The following ITPRID1 variants were observed in gnomAD, a reference collection of about 807,000 sequenced individuals.
ITPRID1 encodes protein ITPRID1.
Under a neutral mutation model 95.4 loss-of-function variants are expected in ITPRID1, and 96 were observed. That is an observed-to-expected ratio of 1.01 (90% CI 0.85 to 1.19). The LOEUF (loss-of-function observed/expected upper bound fraction) is 1.19, where lower values mean the gene tolerates loss of function less well. ITPRID1 is among the 50% of genes most tolerant of loss of function. ITPRID1 has a pLI of 0.00. For synonymous variants in ITPRID1, 510 were observed against 453.6 expected (o/e 1.12, Z -1.58); for missense variants, 1,339 against 1,252.9 (o/e 1.07, Z -1.04).
chr7:31,574,954 T>A (rs1357698798), intron 8 of ITPRID1, among the ~76,000 whole-genome samples: 2 of 152,200 alleles, frequency 1.3e-5, no homozygotes, highest in Admixed American at 1.3e-4. Flanking sequence ...TGCTCCATGT[T>A]GTCCTCACTC....
At chr7:31,622,392 A>G (rs1333888963) in intron 10 of ITPRID1, among the ~76,000 whole-genome samples, 3 of 152,160 alleles carry the variant, frequency 2.0e-5, no homozygotes, top group Non-Finnish European at 4.4e-5. Context: ...AAGAACAGAA[A>G]TCATAACAAA....
chr7:31,572,313 C>T, intron 7 of ITPRID1, 125 bp downstream of exon 7: 1 of 612,978 alleles, frequency 1.6e-6, no homozygotes, highest in Non-Finnish European at 2.8e-6. Flanking sequence ...TTTTCAAACC[C>T]CATCTTGCAA....
At chr7:31,639,176 C>CT (rs1789771261) in intron 10 of ITPRID1, among the ~76,000 whole-genome samples, 1 of 152,178 alleles carries the variant, frequency 6.6e-6, no homozygotes, top group African/African-American at 2.4e-5. Context: ...TGAAACATTT[C>CT]TTCAAAAGCT....
chr7:31,552,128 C>T lies in ITPRID1; in HGVS notation c.-23-874C>T, dbSNP rs752251923. Among the ~76,000 whole-genome samples the T allele has an allele frequency of 1.5e-4, 21 of 143,332 alleles. 5 individuals are homozygous for T. The highest frequency in any genetic ancestry group is 2.5e-4 in the Non-Finnish European group (16 of 63,626). The allele number at this position is 143,332 out of a possible 152,430, so 94.0% of individuals were successfully genotyped here. On this transcript the variant is annotated intron_variant, in intron 2 of 14. Transcript: ENST00000615280. ...GCTAAGCTGCTGTGTCCTGCTCTTA[C>T]TCTGCTAGTTTTACAGGTTGTTCAT...
intron 1 of ITPRID1, among the ~76,000 whole-genome samples, chr7:31,539,060 A>G (rs1195052830): frequency 6.6e-6 from 1 of 152,212 alleles, no homozygotes; most frequent in Non-Finnish European, 1.5e-5. Context: ...ATTTGGATGT[A>G]CCAGTTTATG....
Position 31,620,919 on chromosome 7 carries a change from G to A in ITPRID1, c.1229-21257G>A, listed in dbSNP as rs1422789791. 4.6e-5 allele frequency among the ~76,000 whole-genome samples: 7 copies of A among 152,184 alleles called. No homozygotes were observed. In the East Asian group the frequency reaches 5.8e-4, roughly 13 times the overall value. ...ATACAGAGAAGTGCTTAAAGGAGCT[G>A]ATGGAGCTGAAAGCCAAGGCTCAAG... On this transcript the variant is annotated intron_variant, in intron 10 of 14. Coordinates refer to ENST00000615280, the MANE Select transcript of ITPRID1 (RefSeq NM_001257967.3).
chr7:31,586,786 A>G (rs1015662300), intron 10 of ITPRID1, among the ~76,000 whole-genome samples: 2 of 151,616 alleles, frequency 1.3e-5, no homozygotes, highest in Non-Finnish European at 2.9e-5. Context: ...CCCATTTTGT[A>G]GGTTGCCTGT....
intron 10 of ITPRID1, among the ~76,000 whole-genome samples, chr7:31,622,468 C>T (rs1358458853): frequency 6.6e-6 from 1 of 150,570 alleles, no homozygotes; most frequent in Non-Finnish European, 1.5e-5. Flanking sequence ...CAAAACTGCT[C>T]AACTACATGG....
chr7:31,552,714 C>T (rs1456064016), intron 2 of ITPRID1, among the ~76,000 whole-genome samples: 2 of 152,150 alleles, frequency 1.3e-5, no homozygotes, highest in African/African-American at 4.8e-5. Flanking sequence ...CTTTGCTCTC[C>T]GTCCACATCC....
chr7:31,600,809 G>T (rs1271159310), intron 10 of ITPRID1, among the ~76,000 whole-genome samples: 1 of 152,164 alleles, frequency 6.6e-6, no homozygotes, highest in African/African-American at 2.4e-5. Flanking sequence ...GCATGCCCAG[G>T]AAGTTGCTTC....
intron 10 of ITPRID1, among the ~76,000 whole-genome samples, chr7:31,614,360 T>C (rs899602200): frequency 3.3e-5 from 5 of 152,144 alleles, no homozygotes; most frequent in African/African-American, 1.2e-4. Context: ...GGCTCAACTT[T>C]AGCTCAATAA....
At chr7:31,537,778 C>T (rs1185817397) in intron 1 of ITPRID1, among the ~76,000 whole-genome samples, 1 of 152,122 alleles carries the variant, frequency 6.6e-6, no homozygotes. Flanking sequence ...ATGCAAGTCA[C>T]CTGACCTACC....
At chr7:31,658,564 T>C, downstream of ITPRID1, 1 of 407,554 alleles carries the variant, frequency 2.5e-6, no homozygotes. Context: ...CAAATTGTAA[T>C]TTAAAACAAC....
At chr7:31,549,144 G>A (rs1369102709) in intron 1 of ITPRID1, among the ~76,000 whole-genome samples, 1 of 152,100 alleles carries the variant, frequency 6.6e-6, no homozygotes, top group Non-Finnish European at 1.5e-5. Flanking sequence ...AGAAATGGTG[G>A]CCAAGGCTGG....
At chr7:31,625,371 C>A (rs1227003699) in intron 10 of ITPRID1, among the ~76,000 whole-genome samples, 1 of 151,830 alleles carries the variant, frequency 6.6e-6, no homozygotes, top group African/African-American at 2.4e-5. Context: ...TGGAACCAAC[C>A]CAAATGTCCA....
chr7:31,534,995 A>G (rs1346839696), intron 1 of ITPRID1, among the ~76,000 whole-genome samples: 5 of 152,014 alleles, frequency 3.3e-5, no homozygotes, highest in Non-Finnish European at 5.9e-5. Flanking sequence ...AGTTTTCTAC[A>G]ATGATGGAAA....
At chr7:31,522,205 C>G (rs1783287624) in intron 1 of ITPRID1, among the ~76,000 whole-genome samples, 1 of 152,122 alleles carries the variant, frequency 6.6e-6, no homozygotes, top group Admixed American at 6.5e-5. Flanking sequence ...GGGTCTGACT[C>G]TACCTATGTT....
At chr7:31,522,829 C>T (rs370029693) in intron 1 of ITPRID1, among the ~76,000 whole-genome samples, 13 of 152,070 alleles carry the variant, frequency 8.5e-5, no homozygotes, top group African/African-American at 2.7e-4. Context: ...ATTGAGTGTT[C>T]GTTAACTTAA....
chr7:31,564,728 A>G (rs1178917822), intron 5 of ITPRID1, among the ~76,000 whole-genome samples: 1 of 152,176 alleles, frequency 6.6e-6, no homozygotes, highest in Non-Finnish European at 1.5e-5. Context: ...TAGCAGACTC[A>G]GATGCTTCCT....
Sources: allele counts gnomAD v4.1 joint callset (sites outside exome capture counted in the v4.1 genomes callset), GRCh38; gene constraint gnomAD v4.1.1; transcripts MANE v1.5; gene names NCBI Gene and HGNC (gene_info 2026-07-23, HGNC 2026-07-21).